ENPP2: variants seen among roughly 807,000 people sequenced by gnomAD.
ENPP2 encodes the protein ectonucleotide pyrophosphatase/phosphodiesterase 2.
Under a neutral mutation model 120.2 loss-of-function variants are expected in ENPP2, and 51 were observed. That is an observed-to-expected ratio of 0.42 (90% CI 0.34 to 0.54). The LOEUF (loss-of-function observed/expected upper bound fraction) is 0.54. Ranked by LOEUF, ENPP2 falls within the 20% of genes least tolerant of loss-of-function variation. The probability of loss-of-function intolerance (pLI) is 0.04; values close to 1 mark genes in which losing one functional copy is unlikely to be tolerated. For synonymous variants in ENPP2, 365 were observed against 366.4 expected (o/e 1.00, Z 0.04); for missense variants, 920 against 1,066.5 (o/e 0.86, Z 1.91).
chr8:119,626,469 T>C (rs1434844009), intron 3 of ENPP2, 96 bp downstream of exon 3: 2 of 888,598 alleles, frequency 2.3e-6, no homozygotes, highest in East Asian at 2.4e-5. Flanking sequence ...ACAGTTTGGA[T>C]AGACCAAAGC....
intron 1 of ENPP2, among the ~76,000 whole-genome samples, chr8:119,660,882 G>C (rs899743475): frequency 6.6e-6 from 1 of 152,088 alleles, no homozygotes; most frequent in Non-Finnish European, 1.5e-5. Flanking sequence ...ACAAACAGAA[G>C]GCAGCCGCAC....
At chr8:119,641,985 T>G (rs13267597), upstream of ENPP2, among the ~76,000 whole-genome samples, 43,537 of 152,008 alleles carry the variant, frequency 0.29, 7,202 homozygotes, top group Admixed American at 0.45. Flanking sequence ...AGGAGGAACT[T>G]GCAGTTAGAT....
At chr8:119,627,512 A>C (rs890075534) in intron 2 of ENPP2, among the ~76,000 whole-genome samples, 3 of 152,114 alleles carry the variant, frequency 2.0e-5, no homozygotes, top group Admixed American at 6.6e-5. Context: ...AAATTTAATC[A>C]TATGTATGTA....
chr8:119,599,446 C>A (rs559606047), intron 11 of ENPP2, among the ~76,000 whole-genome samples: 1 of 152,122 alleles, frequency 6.6e-6, no homozygotes, highest in Non-Finnish European at 1.5e-5. Flanking sequence ...ATGTTTAAAC[C>A]AAGATATGTT....
At chr8:119,572,207 T>C (rs1016586351) in intron 19 of ENPP2, 2 of 1,555,424 alleles carry the variant, frequency 1.3e-6, no homozygotes, top group East Asian at 2.4e-5. Context: ...CATTAATGTT[T>C]TCCTTGTTTT....
chr8:119,624,297 G>A (rs1008551455), intron 3 of ENPP2, among the ~76,000 whole-genome samples: 16 of 152,002 alleles, frequency 1.1e-4, no homozygotes, highest in Admixed American at 3.9e-4. Flanking sequence ...GCAAACATGG[G>A]AATAAACATA....
At chr8:119,660,909 A>G (rs77552895) in intron 1 of ENPP2, among the ~76,000 whole-genome samples, 1,563 of 152,344 alleles carry the variant, frequency 0.01, 18 homozygotes, top group African/African-American at 0.036. Context: ...GGAAACCTTC[A>G]ACAGAGTGAG....
chr8:119,653,994 ATAT>A (rs954696872), intron 1 of ENPP2, among the ~76,000 whole-genome samples: 9 of 147,000 alleles, frequency 6.1e-5, no homozygotes, highest in African/African-American at 2.2e-4. Flanking sequence ...TCTATAGAAA[ATAT>A]TATATATTAA....
At chr8:119,644,151 G>A (rs556993040) in intron 1 of ENPP2, among the ~76,000 whole-genome samples, 1 of 152,216 alleles carries the variant, frequency 6.6e-6, no homozygotes, top group Admixed American at 6.5e-5. Flanking sequence ...TAAGCAGGGG[G>A]AGGCTTAATC....
intron 9 of ENPP2, 141 bp downstream of exon 9, chr8:119,607,781 G>A (rs1234013105): frequency 3.3e-6 from 2 of 602,650 alleles, no homozygotes; most frequent in Admixed American, 3.5e-5. Flanking sequence ...AAAACACCTG[G>A]AAGGTTATTT....
At chr8:119,608,875 T>C (rs1268966966) in intron 8 of ENPP2, among the ~76,000 whole-genome samples, 1 of 152,232 alleles carries the variant, frequency 6.6e-6, no homozygotes, top group Non-Finnish European at 1.5e-5. Flanking sequence ...TTTATTGTTA[T>C]GCAATAATGG....
rs1027812580 is a variant in ENPP2, at chr8:119,666,414, G to A, written c.21+6838C>T. ...TAGGAGATGATAATTTAGGGAAAGG[G>A]CTCAAAAAAGTATAAAAATAATTAT... is the stretch of plus-strand genomic sequence containing the variant. On this transcript the variant is annotated intron_variant, in intron 1 of 25. Coordinates refer to the ENPP2 transcript ENST00000427067. Among the ~76,000 whole-genome samples the A allele has an allele frequency of 1.3e-4, 20 of 152,114 alleles. 1 individual carries two copies. Among genetic ancestry groups the A allele is most frequent in the African/African-American group, 4.1e-4 (17 of 41,512 alleles).
intron 1 of ENPP2, among the ~76,000 whole-genome samples, chr8:119,660,872 A>T (rs1817900098): frequency 6.6e-6 from 1 of 152,206 alleles, no homozygotes; most frequent in African/African-American, 2.4e-5. Flanking sequence ...TTTTATTTAC[A>T]CAAACAGAAG....
chr8:119,605,430 A>ATGTGTGTGTGTG (rs573767269), intron 9 of ENPP2, among the ~76,000 whole-genome samples: 374 of 133,802 alleles, frequency 2.8e-3, no homozygotes, highest in Middle Eastern at 0.023. Context: ...GATACCATAT[A>ATGTGTGTGTGTG]TGTGTGTGTG....
At chr8:119,607,484 G>A (rs1305643765) in intron 9 of ENPP2, among the ~76,000 whole-genome samples, 3 of 152,088 alleles carry the variant, frequency 2.0e-5, no homozygotes, top group African/African-American at 7.2e-5. Flanking sequence ...GACCAGCCTC[G>A]CAAACGTGGT....
intron 19 of ENPP2, chr8:119,572,852 A>C (rs979516801): frequency 1.3e-5 from 2 of 152,538 alleles, no homozygotes; most frequent in African/African-American, 4.8e-5. Context: ...ACCATATTAA[A>C]GATAGTTACA....
chr8:119,616,706 C>T (rs1587489217), intron 7 of ENPP2, among the ~76,000 whole-genome samples: 1 of 151,958 alleles, frequency 6.6e-6, no homozygotes, highest in East Asian at 1.9e-4. Context: ...ACATGTGCCT[C>T]CAAAGAAGCT....
Position 119,601,835 on chromosome 8 carries a change from A to G in ENPP2, c.834-373T>C, listed in dbSNP as rs187197008. On this transcript the variant is annotated intron_variant, in intron 9 of 24. Coordinates refer to ENST00000075322, the MANE Select transcript of ENPP2 (RefSeq NM_001040092.3). ...AAAGGGATCAGTACTTACATCCCCA[A>G]TCCGCCTCTTGCTGGCGGTGTGACC... Among the ~76,000 whole-genome samples the G allele has an allele frequency of 1.5e-3, 226 of 152,244 alleles. 2 individuals carry two copies. The highest frequency in any genetic ancestry group is 4.4e-3 in the African/African-American group (181 of 41,558).
At chr8:119,613,067 TC>T (rs2130676483) in intron 8 of ENPP2, among the ~76,000 whole-genome samples, 1 of 152,252 alleles carries the variant, frequency 6.6e-6, no homozygotes, top group African/African-American at 2.4e-5. Flanking sequence ...TTGCTGAGAA[TC>T]CAGATTTAAA....
Sources: allele counts gnomAD v4.1 joint callset (sites outside exome capture counted in the v4.1 genomes callset), GRCh38; gene constraint gnomAD v4.1.1; transcripts MANE v1.5; gene names NCBI Gene and HGNC (gene_info 2026-07-23, HGNC 2026-07-21).